The following LRTM1 variants were observed in gnomAD, a reference collection of about 807,000 sequenced individuals.
LRTM1 encodes the protein leucine rich repeat transmembrane protein 1, also known as leucine-rich repeat and transmembrane domain-containing protein 1.
Under a neutral mutation model 32.4 loss-of-function variants are expected in LRTM1, and 38 were observed. That is an observed-to-expected ratio of 1.17 (90% confidence interval 0.91 to 1.54). The LOEUF (loss-of-function observed/expected upper bound fraction) is 1.54. Ranked by LOEUF, LRTM1 falls within the 40% of genes most tolerant of loss-of-function variation. The pLI is 0.00. For missense variants in LRTM1, 466 were observed against 415.4 expected, an observed-to-expected ratio of 1.12 and a Z score of -1.06; for synonymous variants, 186 against 169.9, an observed-to-expected ratio of 1.09 and a Z score of -0.74.
intron 1 of LRTM1, among the ~76,000 whole-genome samples, chr3:54,958,948 A>G (rs1701967556): frequency 6.6e-6 from 1 of 151,980 alleles, no homozygotes; most frequent in Non-Finnish European, 1.5e-5. Flanking sequence ...TACAAAAAAC[A>G]CAAAAATTGA....
intron 1 of LRTM1, among the ~76,000 whole-genome samples, chr3:54,926,619 A>G (rs890187592): frequency 6.6e-5 from 10 of 152,114 alleles, no homozygotes; most frequent in Admixed American, 2.0e-4. Context: ...TCATTCTGCA[A>G]TTTGCTCTGT....
chr3:54,954,921 A>G (rs1177724242), intron 1 of LRTM1, among the ~76,000 whole-genome samples: 1 of 152,212 alleles, frequency 6.6e-6, no homozygotes, highest in African/African-American at 2.4e-5. Flanking sequence ...TGTCTGGACC[A>G]CAGTGCATTT....
chr3:54,928,825 A>G (rs1009983403), upstream of LRTM1, among the ~76,000 whole-genome samples: 5 of 151,754 alleles, frequency 3.3e-5, no homozygotes, highest in Non-Finnish European at 7.4e-5. Flanking sequence ...CACTTTTCAC[A>G]TATAAAACAA....
chr3:54,930,834 G>A (rs765520505), upstream of LRTM1, among the ~76,000 whole-genome samples: 4 of 152,270 alleles, frequency 2.6e-5, no homozygotes, highest in East Asian at 1.9e-4. Context: ...GGTGGCTCAC[G>A]CCTGTAATCC....
chr3:54,922,481 G>T (rs531031810), intron 2 of LRTM1, among the ~76,000 whole-genome samples: 1 of 152,246 alleles, frequency 6.6e-6, no homozygotes, highest in East Asian at 1.9e-4. Flanking sequence ...GGAAGATGTT[G>T]CCATAGTATG....
intron 1 of LRTM1, among the ~76,000 whole-genome samples, chr3:54,946,591 C>G: frequency 6.6e-6 from 1 of 152,138 alleles, no homozygotes; most frequent in Admixed American, 6.5e-5. Context: ...AGGTTACTTT[C>G]ACCAAGGCCT....
chr3:54,930,734 C>T (rs1457699992), upstream of LRTM1, among the ~76,000 whole-genome samples: 1 of 152,218 alleles, frequency 6.6e-6, no homozygotes, highest in Non-Finnish European at 1.5e-5. Context: ...ATACCTACCT[C>T]GCCGGAGGCA....
At chr3:54,950,414 G>T (rs994592241) in intron 1 of LRTM1, among the ~76,000 whole-genome samples, 1 of 152,126 alleles carries the variant, frequency 6.6e-6, no homozygotes, top group African/African-American at 2.4e-5. Flanking sequence ...TCATTTTAGG[G>T]AACCTGTGTA....
In LRTM1 at chr3:54,918,332, CT is replaced by C. The variant is rs533596688; in HGVS notation, c.*126del. Reference sequence around the variant, plus strand: ...TTTTACAGACACATCTTTTTTTTTTCTTTTTTTTTTTTTTTTTTTTTTTGTC... The same window carrying C: ...TTTTACAGACACATCTTTTTTTTTTCTTTTTTTTTTTTTTTTTTTTTTGTC... On this transcript the variant is annotated 3_prime_UTR_variant, in exon 3 of 3. Transcript: ENST00000273286. 586 of 227,890 alleles carry C rather than the reference CT, an allele frequency of 2.6e-3. 6 individuals carry two copies. The highest frequency in any genetic ancestry group is 0.014 in the African/African-American group (386 of 27,580). 14.1% of individuals were successfully genotyped at this position (227,890 alleles called of 1,614,324 possible).
intron 1 of LRTM1, among the ~76,000 whole-genome samples, chr3:54,950,966 T>C (rs1029264340): frequency 7.2e-5 from 11 of 152,140 alleles, no homozygotes; most frequent in African/African-American, 2.7e-4. Flanking sequence ...GCCAGGACAG[T>C]CCTGAGTCTT....
chr3:54,938,954 A>G (rs1255297252), intron 1 of LRTM1, among the ~76,000 whole-genome samples: 1 of 152,148 alleles, frequency 6.6e-6, no homozygotes, highest in Non-Finnish European at 1.5e-5. Context: ...GAAATGAAGT[A>G]CTTAGTCCAG....
chr3:54,966,916 G>A (rs900082123), intron 1 of LRTM1: 2 of 152,102 alleles, frequency 1.3e-5, no homozygotes, highest in Non-Finnish European at 2.9e-5. Flanking sequence ...TTTTTAAAAA[G>A]CAAGCATTTA....
At chr3:54,935,734 T>A (rs1398221015) in intron 1 of LRTM1, among the ~76,000 whole-genome samples, 1 of 152,254 alleles carries the variant, frequency 6.6e-6, no homozygotes, top group Non-Finnish European at 1.5e-5. Context: ...TTACAATGTA[T>A]GTTTCATATT....
intron 1 of LRTM1, among the ~76,000 whole-genome samples, chr3:54,934,082 A>G (rs1325611178): frequency 6.6e-6 from 1 of 152,176 alleles, no homozygotes; most frequent in Non-Finnish European, 1.5e-5. Flanking sequence ...TGATGTTACT[A>G]TTACTTTTGA....
At chr3:54,957,228 TA>T (rs1701921311) in intron 1 of LRTM1, among the ~76,000 whole-genome samples, 1 of 151,962 alleles carries the variant, frequency 6.6e-6, no homozygotes, top group African/African-American at 2.4e-5. Context: ...GGCACAATCA[TA>T]GCTCAATGCA....
At chr3:54,948,663 G>A (rs768430734) in intron 1 of LRTM1, among the ~76,000 whole-genome samples, 5 of 152,208 alleles carry the variant, frequency 3.3e-5, no homozygotes, top group South Asian at 2.1e-4. Flanking sequence ...ACATGAAATA[G>A]GGAAGGGCAC....
chr3:54,953,788 G>T (rs1236132791), intron 1 of LRTM1, among the ~76,000 whole-genome samples: 1 of 152,110 alleles, frequency 6.6e-6, no homozygotes, highest in Admixed American at 6.6e-5. Context: ...GAGTGGGTGA[G>T]GGGGGTGCAC....
intron 1 of LRTM1, among the ~76,000 whole-genome samples, chr3:54,957,047 T>G (rs1259973718): frequency 6.6e-6 from 1 of 152,202 alleles, no homozygotes; most frequent in Non-Finnish European, 1.5e-5. Context: ...TTTTTTAAGC[T>G]TCTAGCAGAC....
intron 1 of LRTM1, among the ~76,000 whole-genome samples, chr3:54,951,309 C>T (rs1205358227): frequency 2.0e-5 from 3 of 152,160 alleles, no homozygotes; most frequent in African/African-American, 7.2e-5. Context: ...AAGCCGCAGA[C>T]AAGATAAAGA....
Sources: allele counts gnomAD v4.1 joint callset (sites outside exome capture counted in the v4.1 genomes callset), GRCh38; gene constraint gnomAD v4.1.1; transcripts MANE v1.5; gene names NCBI Gene and HGNC (gene_info 2026-07-23, HGNC 2026-07-21).